The following PEPD variants were observed in gnomAD, a reference collection of about 807,000 sequenced individuals.
PEPD encodes the protein xaa-Pro dipeptidase.
A neutral mutation model predicts 60.7 loss-of-function variants in PEPD; 53 were observed. The ratio of observed to expected loss-of-function variants is 0.87; its 90% CI spans 0.70 to 1.10. The LOEUF (loss-of-function observed/expected upper bound fraction) is 1.10. Ranked by LOEUF, PEPD falls within the 50% of genes least tolerant of loss-of-function variation. PEPD has a pLI of 0.00. For synonymous variants in PEPD, 267 were observed against 284.1 expected (o/e 0.94, Z 0.60); for missense variants, 711 against 711.9 (o/e 1.00, Z 0.01).
At chr19:33,464,157 C>T in intron 7 of PEPD, 95 bp from the exon 8 acceptor site, 2 of 864,490 alleles carry the variant, frequency 2.3e-6, no homozygotes, top group Non-Finnish European at 3.9e-6. Context: ...CCACACCCTG[C>T]ACAGCCCAGA....
At chr19:33,484,096 G>T (rs1466701774) in intron 6 of PEPD, among the ~76,000 whole-genome samples, 1 of 152,156 alleles carries the variant, frequency 6.6e-6, no homozygotes, top group Non-Finnish European at 1.5e-5. Context: ...AAGCTTTCAG[G>T]ATCCTTAACT....
At chr19:33,447,064 C>T (rs865858352) in intron 9 of PEPD, among the ~76,000 whole-genome samples, 4 of 152,214 alleles carry the variant, frequency 2.6e-5, no homozygotes, top group South Asian at 2.1e-4. Context: ...TGGTGCACTT[C>T]GCCCTAGCTG....
intron 9 of PEPD, among the ~76,000 whole-genome samples, chr19:33,427,908 C>T (rs1234814570): frequency 2.6e-5 from 4 of 152,198 alleles, no homozygotes; most frequent in Non-Finnish European, 4.4e-5. Flanking sequence ...GTGTGTGAAG[C>T]CTGCTCCCGG....
chr19:33,492,264 C>T (rs529357101), intron 5 of PEPD, among the ~76,000 whole-genome samples: 82 of 152,270 alleles, frequency 5.4e-4, no homozygotes, highest in African/African-American at 1.8e-3. Flanking sequence ...CTAGCCCAGG[C>T]CCTCGGTCAG....
intron 12 of PEPD, chr19:33,395,983 G>A (rs1053655692): frequency 2.0e-5 from 3 of 152,446 alleles, no homozygotes; most frequent in African/African-American, 7.2e-5. Flanking sequence ...CACTCACCCT[G>A]CGTGAGAGCA....
intron 5 of PEPD, among the ~76,000 whole-genome samples, chr19:33,491,055 G>A (rs1600158096): frequency 1.3e-5 from 2 of 152,262 alleles, no homozygotes; most frequent in South Asian, 4.1e-4. Context: ...GATCATCTAT[G>A]ACCATAATCA....
In PEPD at chr19:33,387,475, T is replaced by C. The variant is rs377685056; in HGVS notation, c.1351A>G (p.Ile451Val). The C allele has an allele frequency of 2.5e-6, 4 of 1,613,542 alleles. No individual in the cohort carries two copies. The African/African-American group carries it at 5.3e-5, about 22-fold the overall frequency. The stretch of plus-strand genomic sequence containing the variant: ...TCAGTCACCACGACGTCCTCCTCGA[T>C]GCGGACCTGGGTCAAGCCGACAGAC... ...QRFRGFGGVRIEEDVVVTDSG... is the reference protein window; with the variant it reads ...QRFRGFGGVRVEEDVVVTDSG... Residue 451 changes from isoleucine to valine, a missense_variant, in exon 15 of 15, where the codon ATC (isoleucine) becomes GTC (valine). Physicochemically the swap from Ile to Val is conservative, Grantham distance 29. Coordinates refer to ENST00000244137, the MANE Select transcript of PEPD (RefSeq NM_000285.4).
intron 9 of PEPD, among the ~76,000 whole-genome samples, chr19:33,462,667 G>C (rs183966395): frequency 1.1e-4 from 17 of 152,344 alleles, no homozygotes; most frequent in African/African-American, 3.4e-4. Context: ...ACGGCAAGCT[G>C]TTTTACTGGC....
chr19:33,489,910 T>A, intron 6 of PEPD, 86 bp downstream of exon 6: 1 of 801,584 alleles, frequency 1.2e-6, no homozygotes, highest in South Asian at 1.5e-5. Context: ...ATAGTTCATG[T>A]CTTATTTGTA....
At chr19:33,493,228 GC>G in intron 5 of PEPD, 61 bp downstream of exon 5, 1 of 1,156,490 alleles carries the variant, frequency 8.6e-7, no homozygotes, top group Admixed American at 1.7e-5. Context: ...AGGAGAGGTG[GC>G]CCCCATAAAA....
chr19:33,460,059 C>T (rs749190159), intron 9 of PEPD, among the ~76,000 whole-genome samples: 37 of 152,298 alleles, frequency 2.4e-4, no homozygotes, highest in Non-Finnish European at 4.3e-4. Context: ...GCAGTTGAGC[C>T]TGTGTTCAAA....
At chr19:33,393,468 C>A (rs902191769) in intron 12 of PEPD, among the ~76,000 whole-genome samples, 1 of 150,884 alleles carries the variant, frequency 6.6e-6, no homozygotes, top group African/African-American at 2.5e-5. Flanking sequence ...ATAACTGCAG[C>A]CCACTTGGCC....
chr19:33,389,973 G>C (rs115029033), intron 13 of PEPD, among the ~76,000 whole-genome samples: 1 of 152,218 alleles, frequency 6.6e-6, no homozygotes, highest in Non-Finnish European at 1.5e-5. Flanking sequence ...CCCAGGAAGC[G>C]CAGCCTTCAG....
Position 33,391,421 on chromosome 19 carries a change from G to A in PEPD, c.1026C>T (p.Ala342=), listed in dbSNP as rs965247152. 7.6e-6 allele frequency: 12 copies of A among 1,572,082 alleles called. No individual in the cohort carries two copies. Among genetic ancestry groups the A allele is most frequent in the Non-Finnish European group, 1.0e-5 (12 of 1,158,620 alleles). The part of the protein sequence containing the change: ...LADRIHLEEL[A]HMGILSGSVD... ...CGCTGCCGCTCAGGATGCCCATGTG[G>A]GCCAGCTCCTCCAGGTGGATGCGGT... The change falls in exon 13 of 15, where the codon GCC becomes GCT. Residue 342 remains alanine (A), a synonymous_variant. Coordinates refer to ENST00000244137, the MANE Select transcript of PEPD (RefSeq NM_000285.4).
chr19:33,457,531 A>G (rs1260775484), intron 9 of PEPD, among the ~76,000 whole-genome samples: 2 of 152,058 alleles, frequency 1.3e-5, no homozygotes, highest in Non-Finnish European at 2.9e-5. Flanking sequence ...TTTTTTATTT[A>G]CTTATTTTGA....
chr19:33,439,130 T>G (rs77097059), intron 9 of PEPD, among the ~76,000 whole-genome samples: 1,693 of 152,354 alleles, frequency 0.011, 25 homozygotes, highest in South Asian at 0.071. Context: ...GAGGGGCTGC[T>G]TGAGACGTCA....
In PEPD at chr19:33,387,164, G is replaced by A. The variant is rs1015015972; in HGVS notation, c.*180C>T. On this transcript the variant is annotated 3_prime_UTR_variant, in exon 15 of 15. Coordinates refer to ENST00000244137, the MANE Select transcript of PEPD (RefSeq NM_000285.4). ...GATTAAAGGTGGGAGCCTGCAAAAG[G>A]GTAATTAAAAAAGTGTTTCCTCCCC... is the stretch of plus-strand genomic sequence containing the variant. 4 of 620,106 alleles carry A rather than the reference G, an allele frequency of 6.5e-6. No individual in the cohort carries two copies. Among genetic ancestry groups the A allele is most frequent in the Non-Finnish European group, 1.1e-5 (4 of 355,416 alleles). 38.4% of individuals were successfully genotyped at this position (620,106 alleles called of 1,614,324 possible).
intron 7 of PEPD, among the ~76,000 whole-genome samples, chr19:33,473,211 C>T (rs567337945): frequency 1.3e-5 from 2 of 152,296 alleles, no homozygotes; most frequent in Admixed American, 6.5e-5. Context: ...AGTCCCACTT[C>T]CCATGTGGCT....
In PEPD at chr19:33,401,818, G is replaced by A. The variant is rs375514363; in HGVS notation, c.870C>T (p.Cys290=). ...TGAACTTGCCGTTGGCGGGAAAGGA[G>A]CAGGTGATGTCGGAAGCGAAGCAGT... ...EYYCFASDIT[C]SFPANGKFTA... The change falls in exon 12 of 15, where the codon TGC becomes TGT. Residue 290 remains cysteine (C), a synonymous_variant. Coordinates refer to ENST00000244137, the MANE Select transcript of PEPD (RefSeq NM_000285.4). 11 of 1,613,208 alleles carry A rather than the reference G, an allele frequency of 6.8e-6. No homozygotes were observed. The African/African-American group carries it at 1.5e-4, about 21-fold the overall frequency.
Sources: allele counts gnomAD v4.1 joint callset (sites outside exome capture counted in the v4.1 genomes callset), GRCh38; gene constraint gnomAD v4.1.1; transcripts MANE v1.5; gene names NCBI Gene and HGNC (gene_info 2026-07-23, HGNC 2026-07-21).